ADAMTS12: variants seen among roughly 807,000 people sequenced by gnomAD.
ADAMTS12 encodes the protein A disintegrin and metalloproteinase with thrombospondin motifs 12.
ADAMTS12 carries 118 observed loss-of-function variants against 167.8 expected under a neutral mutation model. That is an observed-to-expected ratio of 0.70 (90% CI 0.61 to 0.82). The LOEUF is 0.82. Among genes scored for constraint, ADAMTS12 ranks in the 40% least tolerant of loss-of-function variants. ADAMTS12 has a pLI of 0.00. For missense variants in ADAMTS12, 1,916 were observed against 1,998.8 expected, an observed-to-expected ratio of 0.96 and a Z score of 0.79; for synonymous variants, 704 against 716.9, an observed-to-expected ratio of 0.98 and a Z score of 0.29.
At chr5:33,754,485 C>T (rs113149506) in intron 2 of ADAMTS12, among the ~76,000 whole-genome samples, 1,795 of 152,310 alleles carry the variant, frequency 0.012, 39 homozygotes, top group African/African-American at 0.042. Flanking sequence ...ACCCAGTATC[C>T]AGGAGTCTCT....
rs4504387 is a variant in ADAMTS12, at chr5:33,649,702, C to G, written c.1191-5G>C. 1 of 1,612,960 alleles carries G rather than the reference C, an allele frequency of 6.2e-7. No individual in the cohort carries two copies. The highest frequency in any genetic ancestry group is 8.5e-7 in the Non-Finnish European group (1 of 1,179,484). Reference sequence around the variant, plus strand: ...CCATCATGCTGGATGCCGAAGCTGGCAGGGAAGAACCAAGCACAAGAAGAG... The same window carrying G: ...CCATCATGCTGGATGCCGAAGCTGGGAGGGAAGAACCAAGCACAAGAAGAG... On this transcript the variant is annotated splice_region_variant and splice_polypyrimidine_tract_variant and intron_variant, in intron 7 of 23. Coordinates refer to ENST00000504830, the MANE Select transcript of ADAMTS12 (RefSeq NM_030955.4).
chr5:33,789,544 G>A (rs1424700511), intron 2 of ADAMTS12, among the ~76,000 whole-genome samples: 1 of 152,196 alleles, frequency 6.6e-6, no homozygotes, highest in Non-Finnish European at 1.5e-5. Context: ...GAGGAAAGCA[G>A]AAGCTAATAA....
intron 21 of ADAMTS12, among the ~76,000 whole-genome samples, chr5:33,548,297 G>A (rs1299160160): frequency 6.6e-6 from 1 of 152,122 alleles, no homozygotes; most frequent in Non-Finnish European, 1.5e-5. Context: ...AAATCTTTCT[G>A]GTTGTGAATG....
rs1399760290 is a variant in ADAMTS12 at position 33,630,881 on chromosome 5, C to T, written c.1921G>A (p.Asp641Asn). Residue 641 changes from aspartate (D) to asparagine (N), a missense_variant, in exon 13 of 24, where the codon GAT becomes AAT. Coordinates refer to ENST00000504830, the MANE Select transcript of ADAMTS12 (RefSeq NM_030955.4). Reference protein sequence around the residue: ...HPCELYCRPIDGQFSEKMLDA... With the variant: ...HPCELYCRPINGQFSEKMLDA... ...AGCATTTTCTCAGAAAACTGGCCAT[C>T]TATGGGTCGGCAGTAGAGCTCACAA... The T allele has an allele frequency of 5.0e-6, 8 of 1,613,642 alleles. No individual in the cohort carries two copies. Among genetic ancestry groups the T allele is most frequent in the Non-Finnish European group, 5.9e-6 (7 of 1,179,662 alleles).
chr5:33,708,533 C>T (rs1353765123), intron 3 of ADAMTS12, among the ~76,000 whole-genome samples: 5 of 152,160 alleles, frequency 3.3e-5, no homozygotes, highest in Non-Finnish European at 7.4e-5. Context: ...ATAGCATAGA[C>T]TTGGAACCAA....
intron 3 of ADAMTS12, among the ~76,000 whole-genome samples, chr5:33,730,600 A>G (rs1465044208): frequency 6.6e-6 from 1 of 152,238 alleles, no homozygotes; most frequent in African/African-American, 2.4e-5. Context: ...AGCAAAATAT[A>G]CTAAAACCAG....
At chr5:33,817,621 T>C (rs1308919158) in intron 2 of ADAMTS12, among the ~76,000 whole-genome samples, 1 of 152,064 alleles carries the variant, frequency 6.6e-6, no homozygotes, top group African/African-American at 2.4e-5. Context: ...CCAAACCACA[T>C]CCTGGATTAT....
At chr5:33,541,908 TGC>T (rs1291485299) in intron 22 of ADAMTS12, among the ~76,000 whole-genome samples, 6 of 151,312 alleles carry the variant, frequency 4.0e-5, no homozygotes, top group Admixed American at 1.3e-4. Flanking sequence ...AGACCATCAA[TGC>T]TAGGAAGAAA....
At chr5:33,627,051 TGTG>T (rs1484265355) in intron 13 of ADAMTS12, among the ~76,000 whole-genome samples, 3 of 148,752 alleles carry the variant, frequency 2.0e-5, no homozygotes, top group Non-Finnish European at 3.0e-5. Flanking sequence ...GTGGTGGTGA[TGTG>T]GTAATGGTGG....
At chr5:33,693,408 G>T (rs1742626789) in intron 3 of ADAMTS12, among the ~76,000 whole-genome samples, 1 of 152,084 alleles carries the variant, frequency 6.6e-6, no homozygotes, top group Non-Finnish European at 1.5e-5. Context: ...ACATATATAT[G>T]GGCTTATTAC....
chr5:33,795,235 C>T (rs1561276260), intron 2 of ADAMTS12, among the ~76,000 whole-genome samples: 1 of 152,174 alleles, frequency 6.6e-6, no homozygotes, highest in Non-Finnish European at 1.5e-5. Flanking sequence ...TTACAAATGG[C>T]ACTGCCCTAC....
intron 22 of ADAMTS12, among the ~76,000 whole-genome samples, chr5:33,545,061 AG>A (rs1348032162): frequency 6.6e-6 from 1 of 152,244 alleles, no homozygotes; most frequent in Non-Finnish European, 1.5e-5. Flanking sequence ...ACACCATCAG[AG>A]TGAACAGGCA....
intron 2 of ADAMTS12, among the ~76,000 whole-genome samples, chr5:33,836,988 A>G (rs568729372): frequency 3.3e-5 from 5 of 152,182 alleles, no homozygotes; most frequent in Admixed American, 3.3e-4. Context: ...GGCCCAAGCA[A>G]TCTTCCTGCC....
At chr5:33,531,986 G>GT (rs1744125195) in intron 23 of ADAMTS12, among the ~76,000 whole-genome samples, 1 of 152,158 alleles carries the variant, frequency 6.6e-6, no homozygotes, top group Non-Finnish European at 1.5e-5. Context: ...AATTACATCA[G>GT]TTCTCCCTAT....
At chr5:33,686,765 C>CTATA (rs111686215) in intron 3 of ADAMTS12, among the ~76,000 whole-genome samples, 2 of 146,088 alleles carry the variant, frequency 1.4e-5, no homozygotes, top group African/African-American at 5.1e-5. Context: ...ACCTCTCTCT[C>CTATA]TATATATATA....
chr5:33,740,976 C>T (rs191942695), intron 3 of ADAMTS12, among the ~76,000 whole-genome samples: 6 of 152,324 alleles, frequency 3.9e-5, no homozygotes, highest in Admixed American at 3.3e-4. Context: ...AATTTCAAGA[C>T]GCTACCTCAA....
rs116641814 is a variant in ADAMTS12, at chr5:33,650,656, C to G, written c.1191-959G>C. ...GCCAGGGCTGACCCAGTGAAGCAGC[C>G]TTTAAGGGCCTTGAAAAGCTTAACC... is the stretch of plus-strand genomic sequence containing the variant. On this transcript the variant is annotated intron_variant, in intron 7 of 23. Transcript: ENST00000504830. 8.4e-3 allele frequency among the ~76,000 whole-genome samples: 1,283 copies of G among 152,298 alleles called. 24 individuals are homozygous for G. The highest frequency in any genetic ancestry group is 0.029 in the African/African-American group (1,220 of 41,574).
chr5:33,792,625 A>T (rs946001643), intron 2 of ADAMTS12, among the ~76,000 whole-genome samples: 2 of 152,224 alleles, frequency 1.3e-5, no homozygotes, highest in Admixed American at 1.3e-4. Flanking sequence ...CTGCCACTGC[A>T]GCTATCTCTG....
intron 5 of ADAMTS12, among the ~76,000 whole-genome samples, chr5:33,663,203 A>G (rs1450732756): frequency 6.6e-6 from 1 of 152,230 alleles, no homozygotes; most frequent in Non-Finnish European, 1.5e-5. Flanking sequence ...GAAGACACTG[A>G]CTTCATTATT....
Sources: allele counts gnomAD v4.1 joint callset (sites outside exome capture counted in the v4.1 genomes callset), GRCh38; gene constraint gnomAD v4.1.1; transcripts MANE v1.5; gene names NCBI Gene and HGNC (gene_info 2026-07-23, HGNC 2026-07-21).